Variants in ALDH7A1 observed in about 807,000 individuals in gnomAD.
ALDH7A1 encodes alpha-aminoadipic semialdehyde dehydrogenase.
Under a neutral mutation model 79.9 loss-of-function variants are expected in ALDH7A1, and 63 were observed. The observed-to-expected ratio is 0.79, with a 90% confidence interval of 0.64 to 0.97. The LOEUF is 0.97. Among genes scored for constraint, ALDH7A1 ranks in the 50% least tolerant of loss-of-function variants. The probability of loss-of-function intolerance (pLI) is 0.00; values close to 1 mark genes in which losing one functional copy is unlikely to be tolerated. For synonymous variants in ALDH7A1, 240 were observed against 231.2 expected, an observed-to-expected ratio of 1.04 and a Z score of -0.34; for missense variants, 627 against 665.2, an observed-to-expected ratio of 0.94 and a Z score of 0.63.
At chr5:126,583,794 T>G in intron 4 of ALDH7A1, 138 bp downstream of exon 4, 1 of 701,352 alleles carries the variant, frequency 1.4e-6, no homozygotes, top group Non-Finnish European at 2.4e-6. Context: ...GAGCCAAGAT[T>G]TTACCACTGC....
intron 10 of ALDH7A1, among the ~76,000 whole-genome samples, chr5:126,560,842 T>A (rs1329740699): frequency 6.6e-6 from 1 of 152,206 alleles, no homozygotes; most frequent in Non-Finnish European, 1.5e-5. Context: ...GAAGTCTCAT[T>A]CACAGGTTCT....
chr5:126,567,643 T>C (rs1365198014), intron 9 of ALDH7A1, among the ~76,000 whole-genome samples: 1 of 150,900 alleles, frequency 6.6e-6, no homozygotes, highest in Non-Finnish European at 1.5e-5. Context: ...CCGGCTACTT[T>C]TTGTATTTTT....
In ALDH7A1 at chr5:126,584,127, T is replaced by C. The variant is rs557223687; in HGVS notation, c.313-115A>G. ...TTACAATCATATCAAAGAAGACTTT[T>C]GATCACATCAAAACTGTGATATGGC... On this transcript the variant is annotated intron_variant, in intron 3 of 17. Coordinates refer to ENST00000409134, the MANE Select transcript of ALDH7A1 (RefSeq NM_001182.5). 1.1e-4 allele frequency: 102 copies of C among 924,664 alleles called. No individual in the cohort carries two copies. The African/African-American group carries it at 1.5e-3, about 14-fold the overall frequency. 57.3% of individuals were successfully genotyped at this position (924,664 alleles called of 1,614,324 possible).
chr5:126,547,869 G>A (rs549977932), intron 16 of ALDH7A1, among the ~76,000 whole-genome samples: 2 of 152,200 alleles, frequency 1.3e-5, no homozygotes, highest in South Asian at 4.1e-4. Flanking sequence ...GGCCAACATG[G>A]TGAAACCCCA....
intron 11 of ALDH7A1, among the ~76,000 whole-genome samples, chr5:126,557,177 A>C (rs1186106785): frequency 1.3e-5 from 2 of 152,238 alleles, no homozygotes; most frequent in African/African-American, 4.8e-5. Flanking sequence ...TTTATGGTGA[A>C]CAAATTTAAT....
At chr5:126,589,227 C>T (rs1046025668) in intron 3 of ALDH7A1, among the ~76,000 whole-genome samples, 1 of 151,994 alleles carries the variant, frequency 6.6e-6, no homozygotes, top group Admixed American at 6.6e-5. Flanking sequence ...GCTCAATCTC[C>T]GCTCACTGCA....
chr5:126,592,642 T>C lies in ALDH7A1; in HGVS notation c.312+22A>G, dbSNP rs1233351901. On this transcript the variant is annotated intron_variant, in intron 3 of 17. Transcript: ENST00000409134. ...AGGCAAAGTGATCTTTTCTGAATTC[T>C]AGAAACAAAGGCCATACTTACATCT... 1.9e-6 allele frequency: 3 copies of C among 1,611,168 alleles called. No homozygotes were observed. The African/African-American group carries it at 4.0e-5, about 22-fold the overall frequency.
At chr5:126,554,609 T>A (rs1309753616) in intron 12 of ALDH7A1, 1 of 573,408 alleles carries the variant, frequency 1.7e-6, no homozygotes, top group African/African-American at 1.9e-5. Context: ...ACTCCGTAAT[T>A]GTAGTGCAAA....
intron 12 of ALDH7A1, chr5:126,554,914 A>G (rs1412925128): frequency 4.8e-6 from 1 of 207,498 alleles, no homozygotes; most frequent in Non-Finnish European, 9.8e-6. Flanking sequence ...AACAAAGAAG[A>G]AGGAAGATGT....
intron 17 of ALDH7A1, 106 bp downstream of exon 17, chr5:126,546,218 C>T: frequency 1.9e-6 from 2 of 1,057,386 alleles, no homozygotes; most frequent in South Asian, 2.6e-5. Context: ...CTGGAAAAAT[C>T]AAATCAAATG....
In ALDH7A1 at chr5:126,543,129, G is replaced by T. The variant is rs763990036; in HGVS notation, c.*1836C>A. The stretch of plus-strand genomic sequence containing the variant: ...CCTTGCACCTTCAAATATAAGACCA[G>T]TAATAACACTTACAAATGTACATTT... On this transcript the variant is annotated 3_prime_UTR_variant, in exon 18 of 18. Coordinates refer to ENST00000409134, the MANE Select transcript of ALDH7A1 (RefSeq NM_001182.5). 2.4e-4 allele frequency: 37 copies of T among 152,118 alleles called. No homozygotes were observed. Among genetic ancestry groups the T allele is most frequent in the Non-Finnish European group, 5.0e-4 (34 of 68,032 alleles). 9.4% of individuals were successfully genotyped at this position (152,118 alleles called of 1,614,324 possible).
At chr5:126,574,401 A>AAAT (rs752635261) in intron 7 of ALDH7A1, among the ~76,000 whole-genome samples, 12 of 151,558 alleles carry the variant, frequency 7.9e-5, no homozygotes, top group Non-Finnish European at 1.6e-4. Flanking sequence ...TCCATCTCAA[A>AAAT]AATAATAATA....
chr5:126,572,875 C>G (rs1750823306), intron 7 of ALDH7A1, among the ~76,000 whole-genome samples: 1 of 152,186 alleles, frequency 6.6e-6, no homozygotes, highest in African/African-American at 2.4e-5. Context: ...TGTCCTATAT[C>G]CTTCTGAATA....
intron 11 of ALDH7A1, among the ~76,000 whole-genome samples, chr5:126,558,181 A>AC (rs1279238019): frequency 3.3e-5 from 5 of 149,746 alleles, no homozygotes; most frequent in African/African-American, 1.2e-4. Flanking sequence ...AAAAAAAAAA[A>AC]AAAAAAAAAA....
intron 9 of ALDH7A1, among the ~76,000 whole-genome samples, chr5:126,566,389 T>C (rs1293568280): frequency 6.6e-6 from 1 of 152,226 alleles, no homozygotes; most frequent in East Asian, 1.9e-4. Context: ...TGTTCATTGT[T>C]AATGCATAGA....
chr5:126,573,243 TTTG>T (rs935118305), intron 7 of ALDH7A1, among the ~76,000 whole-genome samples: 1 of 150,572 alleles, frequency 6.6e-6, no homozygotes, highest in African/African-American at 2.5e-5. Context: ...TGGGTTTTGT[TTTG>T]TTTTGTTTGT....
intron 8 of ALDH7A1, chr5:126,568,807 T>A: frequency 5.1e-6 from 1 of 196,410 alleles, no homozygotes; most frequent in East Asian, 1.2e-4. Context: ...AGGCATGCGC[T>A]ACTTGGGAGG....
chr5:126,547,743 C>T (rs114827781), intron 16 of ALDH7A1, among the ~76,000 whole-genome samples: 3,069 of 152,252 alleles, frequency 0.02, 103 homozygotes, highest in African/African-American at 0.07. Context: ...GGTAAATTTG[C>T]TTTTTTCTTT....
intron 13 of ALDH7A1, among the ~76,000 whole-genome samples, chr5:126,554,029 A>T (rs1194404637): frequency 6.6e-6 from 1 of 151,120 alleles, no homozygotes; most frequent in East Asian, 2.0e-4. Flanking sequence ...AATCACTTGA[A>T]CCTGGGAGGC....
Sources: gnomAD v4.1 joint callset for allele counts (sites outside exome capture counted in the v4.1 genomes callset) on GRCh38, gnomAD v4.1.1 for gene constraint, MANE v1.5 for transcripts, NCBI Gene and HGNC (gene_info 2026-07-23, HGNC 2026-07-21) for gene names.